BAIAP3: variants seen among roughly 807,000 people sequenced by gnomAD.
The protein encoded by BAIAP3 is BAI1 associated protein 3.
BAIAP3 carries 180 observed loss-of-function variants against 149.7 expected under a neutral mutation model. That is an observed-to-expected ratio of 1.20 (90% CI 1.07 to 1.36). BAIAP3 has a LOEUF of 1.36. BAIAP3 is among the 40% of genes most tolerant of loss of function. The probability of loss-of-function intolerance (pLI) is 0.00; values close to 1 mark genes in which losing one functional copy is unlikely to be tolerated. For synonymous variants in BAIAP3, 845 were observed against 670.7 expected (o/e 1.26, Z -4.02); for missense variants, 1,767 against 1,563.4 (o/e 1.13, Z -2.20).
chr16:1,342,925 A>C lies in BAIAP3; in HGVS notation c.1174A>C (p.Ser392Arg), dbSNP rs1853344079. ...EHSAEEPNSS[S>R]WRGELSTPAA... The stretch of plus-strand genomic sequence containing the variant: ...CCTCCTCCCCCAGCCCAACTCCAGC[A>C]GCTGGCGAGGAGAGCTCAGCACACC... The change falls in exon 14 of 34, where the codon AGC (serine) becomes CGC (arginine). Residue 392 changes from serine (S) to arginine (R), a missense_variant. Physicochemically the swap from Ser to Arg is moderately radical, Grantham distance 110. Coordinates refer to ENST00000426824, the MANE Select transcript of BAIAP3 (RefSeq NM_001199097.2). 2 of 1,612,330 alleles carry C rather than the reference A, an allele frequency of 1.2e-6. No individual in the cohort carries two copies. The highest frequency in any genetic ancestry group is 2.7e-5 in the African/African-American group (2 of 75,064).
In BAIAP3 at chr16:1,346,667, G is replaced by A; in HGVS notation, c.2625G>A (p.Val875=). 7.0e-7 allele frequency: 1 copy of A among 1,435,206 alleles called. No homozygotes were observed. The highest frequency in any genetic ancestry group is 9.4e-7 in the Non-Finnish European group (1 of 1,067,636). 88.9% of individuals were successfully genotyped at this position (1,435,206 alleles called of 1,614,324 possible). A position where few individuals can be genotyped will look rare whatever the true frequency, so the allele number is the denominator to read the frequency against. The change falls in exon 27 of 34, where the codon GTG becomes GTA. Residue 875 remains valine (V), a synonymous_variant. Transcript: ENST00000426824. ...TGGCCCTGCTGAACGCCTCGCTGGT[G>A]AAGGGGAACCTGAGCAGGTGCGGGC... is the stretch of plus-strand genomic sequence containing the variant. ...EKLALLNASL[V]KGNLSRVLEA...
chr16:1,347,009 G>C, intron 28 of BAIAP3, 54 bp downstream of exon 28: 2 of 1,493,188 alleles, frequency 1.3e-6, no homozygotes, highest in South Asian at 2.4e-5. Flanking sequence ...GGGCTGCTCT[G>C]ATCCCTCCCT....
rs781729147 is a variant in BAIAP3, at chr16:1,341,423, AGTGCATCCAG to A, written c.668_677del (p.Cys223SerfsTer4). 4.3e-5 allele frequency: 70 copies of A among 1,612,558 alleles called. No homozygotes were observed. The highest frequency in any genetic ancestry group is 5.0e-5 in the Non-Finnish European group (59 of 1,179,908). On this transcript the variant is annotated frameshift_variant, in exon 8 of 34. Transcript: ENST00000426824. LOFTEE classifies it high-confidence loss of function. The stretch of plus-strand genomic sequence containing the variant: ...AAGCGCGGTGGACCCCTGCCTGCCA[AGTGCATCCAG>A]GTCACCGAGGTGAAGAGCAGCACCC...
chr16:1,348,254 G>C lies in BAIAP3; in HGVS notation c.3308G>C (p.Arg1103Thr). The change falls in exon 33 of 34, where the codon AGG becomes ACG. Residue 1103 changes from arginine (R) to threonine (T), a missense_variant. By Grantham distance (71) the Arg-to-Thr change is moderately conservative. Coordinates refer to ENST00000426824, the MANE Select transcript of BAIAP3 (RefSeq NM_001199097.2). ...CGGCCCCAGGTGGGCGGGGGTGCAA[G>C]GGCTGGGCAGCCTGTCACCCTGCAC... ...VARPQVGGGARAGQPVTLHLC... is the reference protein window; with the variant it reads ...VARPQVGGGATAGQPVTLHLC... The C allele has an allele frequency of 6.2e-7, 1 of 1,603,326 alleles. No individual in the cohort carries two copies. Among genetic ancestry groups the C allele is most frequent in the Non-Finnish European group, 8.5e-7 (1 of 1,176,912 alleles).
chr16:1,335,363 G>A (rs907708111), intron 1 of BAIAP3, among the ~76,000 whole-genome samples: 1 of 152,114 alleles, frequency 6.6e-6, no homozygotes. Flanking sequence ...CTGGCATCAG[G>A]CATGAGCAGA....
intron 19 of BAIAP3, 39 bp downstream of exon 19, chr16:1,344,737 C>T (rs878968038): frequency 5.0e-6 from 8 of 1,586,236 alleles, no homozygotes; most frequent in African/African-American, 3.0e-5. Context: ...GGGCTGGGGT[C>T]GGAGCCAACA....
At chr16:1,343,704 G>C (rs1049450199) in intron 15 of BAIAP3, among the ~76,000 whole-genome samples, 191 bp downstream of exon 15, 7 of 152,216 alleles carry the variant, frequency 4.6e-5, no homozygotes, top group African/African-American at 1.7e-4. Context: ...GAGTCACCTC[G>C]GGGGGCGGCC....
intron 19 of BAIAP3, 26 bp downstream of exon 19, chr16:1,344,724 C>T (rs1323251473): frequency 6.2e-7 from 1 of 1,603,102 alleles, no homozygotes; most frequent in Non-Finnish European, 8.5e-7. Context: ...CAGTGCTGTC[C>T]TGGGGCTGGG....
chr16:1,334,372 C>T (rs1014670472), intron 1 of BAIAP3: 3 of 461,772 alleles, frequency 6.5e-6, no homozygotes, highest in Non-Finnish European at 1.2e-5. Flanking sequence ...ACCGCCCGCC[C>T]CCTCCGAGGG....
At chr16:1,341,595 G>A (rs2033932082) in intron 8 of BAIAP3, 106 bp downstream of exon 8, 1 of 1,409,254 alleles carries the variant, frequency 7.1e-7, no homozygotes, top group Non-Finnish European at 9.6e-7. Flanking sequence ...GTCTCTTTGG[G>A]GCCGTGTGCC....
chr16:1,345,390 C>T lies in BAIAP3; in HGVS notation c.2064+18C>T. 1.9e-6 allele frequency: 3 copies of T among 1,604,660 alleles called. No individual in the cohort carries two copies. The highest frequency in any genetic ancestry group is 2.6e-6 in the Non-Finnish European group (3 of 1,175,390). On this transcript the variant is annotated intron_variant, in intron 22 of 33. Transcript: ENST00000426824. The stretch of plus-strand genomic sequence containing the variant: ...TGGACACGGTGACAGCTGCCCTGGC[C>T]TGAGGACACTGGGGCTGGTCCAGGC...
In BAIAP3 at chr16:1,344,478, C is replaced by A; in HGVS notation, c.1612C>A (p.Arg538Ser). The change falls in exon 18 of 34, where the codon CGT (arginine) becomes AGT (serine). Residue 538 changes from arginine to serine, a missense_variant. By Grantham distance (110) the Arg-to-Ser change is moderately radical (BLOSUM62 -1). Transcript: ENST00000426824. ...DIAAALKRGN[R>S]EWYDRILNDK... ...GTGGTGTCTGTTGCAGAGAGGCAAC[C>A]GTGAGTGGTACGACAGGATCCTGAA... is the stretch of plus-strand genomic sequence containing the variant. The A allele has an allele frequency of 6.2e-7, 1 of 1,613,456 alleles. No individual in the cohort carries two copies. Among genetic ancestry groups the A allele is most frequent in the Non-Finnish European group, 8.5e-7 (1 of 1,180,012 alleles).
In BAIAP3 at chr16:1,346,255, C is replaced by T. The variant is rs142229314; in HGVS notation, c.2387C>T (p.Thr796Met). Residue 796 changes from threonine (T) to methionine (M), a missense_variant, in exon 25 of 34, where the codon ACG (threonine) becomes ATG (methionine). Physicochemically the swap from Thr to Met is moderately conservative, Grantham distance 81. Coordinates refer to ENST00000426824, the MANE Select transcript of BAIAP3 (RefSeq NM_001199097.2). ...LKGLAWPEGA[T>M]GPEGVLPRPL... Reference sequence around the variant, plus strand: ...GGCCTGGCATGGCCAGAGGGGGCCACGGGGCCCGAGGGGGTGCTCCCCCGC... The same window carrying T: ...GGCCTGGCATGGCCAGAGGGGGCCATGGGGCCCGAGGGGGTGCTCCCCCGC... The T allele has an allele frequency of 2.2e-3, 3,481 of 1,610,888 alleles. 1 individual carries two copies. The highest frequency in any genetic ancestry group is 2.7e-3 in the Non-Finnish European group (3,222 of 1,178,950).
In BAIAP3 at chr16:1,345,073, G is replaced by T; in HGVS notation, c.1914G>T (p.Gln638His). The change falls in exon 21 of 34, where the codon CAG becomes CAT. Residue 638 changes from glutamine to histidine, a missense_variant. Gln to His is a conservative substitution (Grantham distance 24). Coordinates refer to ENST00000426824, the MANE Select transcript of BAIAP3 (RefSeq NM_001199097.2). ...FELYLTLADLQRFWDSIPGRD... is the reference protein window; with the variant it reads ...FELYLTLADLHRFWDSIPGRD... ...TCTACCTGACCCTGGCTGACCTCCA[G>T]CGCTTCTGGGATAGCATCCCTGGCC... 1 of 1,612,544 alleles carries T rather than the reference G, an allele frequency of 6.2e-7. No individual in the cohort carries two copies. Among genetic ancestry groups the T allele is most frequent in the Non-Finnish European group, 8.5e-7 (1 of 1,179,998 alleles).
In BAIAP3 at chr16:1,339,162, A is replaced by C. The variant is rs892508647; in HGVS notation, c.220-2A>C. On this transcript the variant is annotated splice_acceptor_variant, in intron 3 of 33. Transcript: ENST00000426824. LOFTEE classifies it high-confidence loss of function. ...AGCCCTCACCCTGGGCCCCACACAC[A>C]GGTCCCCCTGCGCAGTGGCTCGCCA... 1 of 1,566,920 alleles carries C rather than the reference A, an allele frequency of 6.4e-7. No individual in the cohort carries two copies.
chr16:1,334,511 G>A (rs1348381259), intron 1 of BAIAP3: 1 of 663,318 alleles, frequency 1.5e-6, no homozygotes, highest in African/African-American at 1.8e-5. Flanking sequence ...CGCAGACACG[G>A]GCGAGGGGAG....
At chr16:1,340,794 C>T in intron 5 of BAIAP3, 128 bp from the exon 6 acceptor site, 2 of 1,001,850 alleles carry the variant, frequency 2.0e-6, no homozygotes, top group East Asian at 2.6e-5. Context: ...TCCCAGGCTT[C>T]CCCCAACCCT....
chr16:1,340,632 C>T lies in BAIAP3; in HGVS notation c.409-290C>T, dbSNP rs149293855. 4.1e-4 allele frequency among the ~76,000 whole-genome samples: 63 copies of T among 152,322 alleles called. No homozygotes were observed. In the East Asian group the frequency reaches 0.011, roughly 27 times the overall value. On this transcript the variant is annotated intron_variant, in intron 5 of 33. Coordinates refer to ENST00000426824, the MANE Select transcript of BAIAP3 (RefSeq NM_001199097.2). ...TGCACATAGGCTGACAGACGCACCTCGAAGGACGCTCCCGGCTTCCACCTG... is the reference window on the plus strand; with the variant it reads ...TGCACATAGGCTGACAGACGCACCTTGAAGGACGCTCCCGGCTTCCACCTG...
chr16:1,345,452 C>T, intron 22 of BAIAP3, 80 bp downstream of exon 22: 1 of 1,418,332 alleles, frequency 7.1e-7, no homozygotes, highest in East Asian at 2.6e-5. Context: ...ACCCCAGCCT[C>T]CCCAGCAACC....
Sources: gnomAD v4.1 joint callset for allele counts (sites outside exome capture counted in the v4.1 genomes callset) on GRCh38, gnomAD v4.1.1 for gene constraint, MANE v1.5 for transcripts, NCBI Gene and HGNC (gene_info 2026-07-23, HGNC 2026-07-21) for gene names.